Variants in UNC80 observed in about 807,000 individuals in gnomAD.
UNC80 encodes unc-80 subunit of NALCN channel complex.
A neutral mutation model predicts 384.6 loss-of-function variants in UNC80; 164 were observed. The observed-to-expected ratio is 0.43, with a 90% CI of 0.38 to 0.49. The LOEUF (loss-of-function observed/expected upper bound fraction) is 0.49. Ranked by LOEUF, UNC80 falls within the 20% of genes least tolerant of loss-of-function variation. The probability of loss-of-function intolerance (pLI) is 0.00; values close to 1 mark genes in which losing one functional copy is unlikely to be tolerated. For missense variants in UNC80, 3,330 were observed against 4,143.0 expected, an observed-to-expected ratio of 0.80 and a Z score of 5.39; for synonymous variants, 1,486 against 1,527.8, an observed-to-expected ratio of 0.97 and a Z score of 0.64.
At position 209,994,140 on chromosome 2, in the gene UNC80, C is replaced by T. The variant is rs1488112891; in HGVS notation, c.9584C>T (p.Ala3195Val). Residue 3195 changes from alanine to valine, a missense_variant, in exon 64 of 65, where the codon GCA (alanine) becomes GTA (valine). By Grantham distance (64) the Ala-to-Val change is moderately conservative. Around this residue, in one of 8 missense-constraint regions of UNC80, gnomAD observed 236 missense variants for 254.9 expected, o/e 0.93. Transcript: ENST00000673920. Reference sequence around the variant, plus strand: ...GCTGCCCCAACAGATGCGCTTCCTGCAACAGGCCAACTACAGGGCTGTAGC... The same window carrying T: ...GCTGCCCCAACAGATGCGCTTCCTGTAACAGGCCAACTACAGGGCTGTAGC... The part of the protein sequence containing the change: ...PAAAPTDALP[A>V]TGQLQGCSPA... 1 of 1,551,686 alleles carries T rather than the reference C, an allele frequency of 6.4e-7. No individual in the cohort carries two copies. The highest frequency in any genetic ancestry group is 2.4e-5 in the East Asian group (1 of 40,868).
At chr2:209,968,247 C>T (rs1186956720) in intron 52 of UNC80, 1 of 152,218 alleles carries the variant, frequency 6.6e-6, no homozygotes, top group Non-Finnish European at 1.5e-5. Flanking sequence ...TTGAACCACT[C>T]TACTTAGAGA....
rs925746210 is a variant in UNC80 at position 209,771,991 on chromosome 2, G to A, written c.-82G>A. On this transcript the variant is annotated 5_prime_UTR_variant, in exon 1 of 65. Transcript: ENST00000673920. ...TCGGGGAAGGAGGGGATGAGAGTTGGGAGCAGCGGGAGGAGGCGGCGGCGG... is the reference window on the plus strand; with the variant it reads ...TCGGGGAAGGAGGGGATGAGAGTTGAGAGCAGCGGGAGGAGGCGGCGGCGG... 2 of 1,016,418 alleles carry A rather than the reference G, an allele frequency of 2.0e-6. No individual in the cohort carries two copies. The highest frequency in any genetic ancestry group is 4.0e-5 in the Admixed American group (2 of 49,736). 63.0% of individuals were successfully genotyped at this position (1,016,418 alleles called of 1,614,324 possible). A position where few individuals can be genotyped will look rare whatever the true frequency, so the allele number is the denominator to read the frequency against.
In UNC80 at chr2:209,978,614, C is replaced by T. The variant is rs1010698269; in HGVS notation, c.9024C>T (p.Asn3008=). The T allele has an allele frequency of 6.4e-6, 10 of 1,551,590 alleles. No homozygotes were observed. The highest frequency in any genetic ancestry group is 8.7e-6 in the Non-Finnish European group (10 of 1,146,874). The part of the protein sequence containing the change: ...RLSLATMSRS[N]TGTGTVWEQD... ...GCTTGGCCACCATGTCCCGCTCTAA[C>T]ACGGGCACGGGCACTGTCTGGGAGC... Residue 3008 remains asparagine, a synonymous_variant, in exon 59 of 65, where the codon AAC becomes AAT. Transcript: ENST00000673920.
intron 9 of UNC80, among the ~76,000 whole-genome samples, chr2:209,815,644 CAGTGTAAAGT>C (rs1182621963): frequency 6.6e-6 from 1 of 152,134 alleles, no homozygotes; most frequent in African/African-American, 2.4e-5. Context: ...ATGCATAAAG[CAGTGTAAAGT>C]AGTGTGGTGG....
At chr2:209,854,804 T>C (rs1326636503) in intron 22 of UNC80, among the ~76,000 whole-genome samples, 3 of 152,208 alleles carry the variant, frequency 2.0e-5, no homozygotes, top group East Asian at 3.8e-4. Context: ...CAACAGATGC[T>C]GGTGAGGCTG....
intron 3 of UNC80, 101 bp from the exon 4 acceptor site, chr2:209,777,157 G>A: frequency 2.3e-6 from 3 of 1,314,940 alleles, no homozygotes; most frequent in Non-Finnish European, 3.1e-6. Context: ...GTTGTAAGAA[G>A]TATAGAGAAA....
intron 18 of UNC80, among the ~76,000 whole-genome samples, chr2:209,838,514 G>A (rs55928661): frequency 6.6e-6 from 1 of 152,094 alleles, no homozygotes; most frequent in Non-Finnish European, 1.5e-5. Flanking sequence ...CTTACTGGTT[G>A]TAGGATAATG....
At chr2:209,953,643 A>G (rs2092290932) in intron 47 of UNC80, among the ~76,000 whole-genome samples, 1 of 152,030 alleles carries the variant, frequency 6.6e-6, no homozygotes, top group Non-Finnish European at 1.5e-5. Context: ...GCTGTTTCCA[A>G]CATTTGTTGC....
rs574691458 is a variant in UNC80 at position 209,922,314 on chromosome 2, A to G, written c.5593A>G (p.Thr1865Ala). 5.8e-6 allele frequency: 9 copies of G among 1,552,104 alleles called. No homozygotes were observed. The African/African-American group carries it at 1.2e-4, about 21-fold the overall frequency. The change falls in exon 35 of 65, where the codon ACT becomes GCT. Residue 1865 changes from threonine to alanine, a missense_variant. Coordinates refer to ENST00000673920, the MANE Select transcript of UNC80 (RefSeq NM_001371986.1). ...TGTGAGTCCATCCTGCACCTCCAGC[A>G]CTTCCCACAGGAATTATTCCTTCCG... is the stretch of plus-strand genomic sequence containing the variant. ...LSVSPSCTSS[T>A]SHRNYSFRRG...
At chr2:209,851,254 C>T (rs143935086) in intron 22 of UNC80, among the ~76,000 whole-genome samples, 1,964 of 152,158 alleles carry the variant, frequency 0.013, 47 homozygotes, top group African/African-American at 0.043. Context: ...TCAGACACCA[C>T]GTGCAGTGTC....
chr2:209,981,326 C>T (rs1360668304), intron 59 of UNC80, among the ~76,000 whole-genome samples: 1 of 152,150 alleles, frequency 6.6e-6, no homozygotes, highest in African/African-American at 2.4e-5. Flanking sequence ...GCCTGTAATC[C>T]CAGCACTTTG....
chr2:209,835,033 C>G (rs1394259292), intron 18 of UNC80, 23 bp downstream of exon 18: 1 of 1,516,976 alleles, frequency 6.6e-7, no homozygotes. Flanking sequence ...GGTTTTGTCT[C>G]CAGTGCAGAC....
chr2:209,965,529 A>G (rs2092717605), intron 51 of UNC80, among the ~76,000 whole-genome samples: 1 of 151,462 alleles, frequency 6.6e-6, no homozygotes, highest in Admixed American at 6.6e-5. Context: ...GCAGTGGCAC[A>G]ATCTCCTCAG....
At chr2:209,878,982 T>C (rs1286269903) in intron 24 of UNC80, among the ~76,000 whole-genome samples, 1 of 151,952 alleles carries the variant, frequency 6.6e-6, no homozygotes, top group Non-Finnish European at 1.5e-5. Flanking sequence ...TAGGCAGGAC[T>C]AAATAAGAAT....
At chr2:209,906,954 T>G (rs1553587862) in intron 29 of UNC80, among the ~76,000 whole-genome samples, 1 of 152,136 alleles carries the variant, frequency 6.6e-6, no homozygotes, top group Non-Finnish European at 1.5e-5. Flanking sequence ...ACTTCAGAAT[T>G]TCTTACTGCT....
intron 7 of UNC80, among the ~76,000 whole-genome samples, chr2:209,804,411 G>A (rs1216047262): frequency 1.3e-5 from 2 of 152,176 alleles, no homozygotes; most frequent in Admixed American, 6.5e-5. Context: ...AAGATTGCAT[G>A]TGTTTACAGC....
At chr2:209,816,663 T>A (rs576331791) in intron 9 of UNC80, among the ~76,000 whole-genome samples, 3 of 152,208 alleles carry the variant, frequency 2.0e-5, no homozygotes, top group Non-Finnish European at 4.4e-5. Flanking sequence ...GACCACACTT[T>A]GCAAACCACT....
At position 209,825,956 on chromosome 2, in the gene UNC80, T is replaced by C; in HGVS notation, c.2381T>C (p.Ile794Thr). ...CATAGGCTTGCTCTAACAATGCTCA[T>C]CAAAATAGTGAAGTCTTTGGGATGT... ...SNHRLALTMLIKIVKSLGCAY... is the reference protein window; with the variant it reads ...SNHRLALTMLTKIVKSLGCAY... Residue 794 changes from isoleucine to threonine, a missense_variant, in exon 14 of 65, where the codon ATC becomes ACC. Physicochemically the swap from Ile to Thr is moderately conservative, Grantham distance 89 (BLOSUM62 -1). This residue lies in a region of UNC80 where 937 missense variants were observed against 1,026.8 expected (regional missense o/e 0.91). Coordinates refer to ENST00000673920, the MANE Select transcript of UNC80 (RefSeq NM_001371986.1). The C allele has an allele frequency of 6.4e-7, 1 of 1,550,984 alleles. No homozygotes were observed. The highest frequency in any genetic ancestry group is 1.4e-5 in the African/African-American group (1 of 73,088).
intron 26 of UNC80, among the ~76,000 whole-genome samples, chr2:209,890,188 A>T (rs1392963896): frequency 6.6e-6 from 1 of 151,944 alleles, no homozygotes. Flanking sequence ...ACTCACAGTT[A>T]TCTAATATGT....
Sources: gnomAD v4.1 joint callset for allele counts (sites outside exome capture counted in the v4.1 genomes callset) on GRCh38, gnomAD v4.1.1 for gene constraint, gnomAD v4.1.1 regional missense constraint, MANE v1.5 for transcripts, NCBI Gene and HGNC (gene_info 2026-07-23, HGNC 2026-07-21) for gene names.